NCAN: variants seen among roughly 807,000 people sequenced by gnomAD.
The protein encoded by NCAN is neurocan core protein.
NCAN carries 47 observed loss-of-function variants against 121.8 expected under a neutral mutation model. The observed-to-expected ratio is 0.39, with a 90% CI of 0.31 to 0.49. The LOEUF (loss-of-function observed/expected upper bound fraction) is 0.49, where lower values mean the gene tolerates loss of function less well. NCAN is among the 20% of genes least tolerant of loss of function. The probability of loss-of-function intolerance (pLI) is 0.92; values close to 1 mark genes in which losing one functional copy is unlikely to be tolerated. For synonymous variants in NCAN, 633 were observed against 702.0 expected, an observed-to-expected ratio of 0.90 and a Z score of 1.55; for missense variants, 1,517 against 1,773.4, an observed-to-expected ratio of 0.86 and a Z score of 2.60.
chr19:19,223,810 C>A (rs1457325548), intron 3 of NCAN, among the ~76,000 whole-genome samples: 1 of 152,134 alleles, frequency 6.6e-6, no homozygotes, highest in Non-Finnish European at 1.5e-5. Context: ...TATTTGCTAA[C>A]TTGTAACCCT....
In NCAN at chr19:19,230,883, C is replaced by CTGTGTGTGTGTGTGTG. The variant is rs367759381; in HGVS notation, c.3019+2274_3019+2289dup. On this transcript the variant is annotated intron_variant, in intron 8 of 14. Coordinates refer to ENST00000252575, the MANE Select transcript of NCAN (RefSeq NM_004386.3). Reference sequence around the variant, plus strand: ...ACAGGCATGCAACCACCACACCCGGCTGTGTGTGTGTGTGTGTGTGTGTGT... The same window carrying CTGTGTGTGTGTGTGTG: ...ACAGGCATGCAACCACCACACCCGGCTGTGTGTGTGTGTGTGTGTGTGTGTGTGTGTGTGTGTGTGT... Among the ~76,000 whole-genome samples, 329 of 121,828 alleles carry CTGTGTGTGTGTGTGTG rather than the reference C, an allele frequency of 2.7e-3. 3 individuals are homozygous for CTGTGTGTGTGTGTGTG. The highest frequency in any genetic ancestry group is 7.7e-3 in the East Asian group (31 of 4,022). The allele number at this position is 121,828 out of a possible 152,430, so 79.9% of individuals were successfully genotyped here.
At chr19:19,216,408 T>C (rs2060796139) in intron 1 of NCAN, among the ~76,000 whole-genome samples, 2 of 151,154 alleles carry the variant, frequency 1.3e-5, no homozygotes, top group Non-Finnish European at 1.5e-5. Flanking sequence ...ACCTCCCGGG[T>C]TCAAGTAATT....
At chr19:19,232,567 A>C (rs189610574) in intron 8 of NCAN, among the ~76,000 whole-genome samples, 124 of 152,326 alleles carry the variant, frequency 8.1e-4, no homozygotes, top group African/African-American at 2.8e-3. Flanking sequence ...TTAGCAAGCA[A>C]TTACTGAGTG....
At chr19:19,217,991 T>G (rs1355243399) in intron 2 of NCAN, among the ~76,000 whole-genome samples, 1 of 143,444 alleles carries the variant, frequency 7.0e-6, no homozygotes, top group African/African-American at 2.6e-5. Flanking sequence ...AAAAAAATAA[T>G]AATAAGGCTG....
At chr19:19,243,755 C>T (rs561086848) in intron 12 of NCAN, among the ~76,000 whole-genome samples, 296 of 151,652 alleles carry the variant, frequency 2.0e-3, no homozygotes, top group African/African-American at 6.7e-3. Flanking sequence ...TGGCCAGGTG[C>T]GGTGGCTCAC....
chr19:19,219,678 A>AAAAAAT (rs2060809213), intron 3 of NCAN, among the ~76,000 whole-genome samples: 1 of 149,446 alleles, frequency 6.7e-6, no homozygotes, highest in African/African-American at 2.5e-5. Context: ...GTCACAAAAA[A>AAAAAAT]AAAAAAAAAA....
intron 3 of NCAN, 73 bp from the exon 4 acceptor site, chr19:19,223,948 G>A (rs747402997): frequency 7.1e-7 from 1 of 1,413,368 alleles, no homozygotes; most frequent in Non-Finnish European, 9.4e-7. Context: ...GAGTCATTCT[G>A]CAAGAGGTAG....
intron 8 of NCAN, 105 bp downstream of exon 8, chr19:19,228,744 C>A: frequency 1.5e-6 from 2 of 1,312,602 alleles, no homozygotes; most frequent in Non-Finnish European, 2.1e-6. Flanking sequence ...CCCTGGGGAT[C>A]TGGAAGCTTT....
chr19:19,238,742 G>A (rs1234818477), intron 11 of NCAN: 1 of 393,912 alleles, frequency 2.5e-6, no homozygotes, highest in East Asian at 5.9e-5. Flanking sequence ...TCTTGGGGAG[G>A]ATATAGACAA....
At chr19:19,223,177 C>T (rs1170280547) in intron 3 of NCAN, among the ~76,000 whole-genome samples, 1 of 151,884 alleles carries the variant, frequency 6.6e-6, no homozygotes, top group East Asian at 1.9e-4. Flanking sequence ...CACATTTGGT[C>T]TCCCATTGCT....
Position 19,219,303 on chromosome 19 carries a change from C to T in NCAN, c.462C>T (p.Pro154=). 1 of 1,547,514 alleles carries T rather than the reference C, an allele frequency of 6.5e-7. No homozygotes were observed. Among genetic ancestry groups the T allele is most frequent in the Admixed American group, 1.9e-5 (1 of 53,280 alleles). The change falls in exon 3 of 15, where the codon CCC becomes CCT. Residue 154 remains proline (P), a synonymous_variant. Coordinates refer to ENST00000252575, the MANE Select transcript of NCAN (RefSeq NM_004386.3). ...RGIEDEQDLV[P]LEVTGVVFHY... is the part of the protein sequence containing the mutation. ...TCGAGGATGAGCAGGACCTGGTGCC[C>T]TTGGAGGTGACAGGTCAGTTGGGGG...
Position 19,250,222 on chromosome 19 carries a change from T to C in NCAN, c.*311T>C. 1 of 559,786 alleles carries C rather than the reference T, an allele frequency of 1.8e-6. No homozygotes were observed. Among genetic ancestry groups the C allele is most frequent in the African/African-American group, 1.9e-5 (1 of 53,884 alleles). 34.7% of individuals were successfully genotyped at this position (559,786 alleles called of 1,614,324 possible). On this transcript the variant is annotated 3_prime_UTR_variant, in exon 15 of 15. Coordinates refer to ENST00000252575, the MANE Select transcript of NCAN (RefSeq NM_004386.3). ...TCTGGTCTCTTGTTTGCCAGGCTGA[T>C]TGAAGCAGGCCTTGATGAGGGTGCA...
In NCAN at chr19:19,248,596, G is replaced by A. The variant is rs1568604540; in HGVS notation, c.3638-104G>A. 3 of 1,223,506 alleles carry A rather than the reference G, an allele frequency of 2.5e-6. No homozygotes were observed. In the South Asian group the frequency reaches 4.3e-5, roughly 18 times the overall value. 75.8% of individuals were successfully genotyped at this position (1,223,506 alleles called of 1,614,324 possible). On this transcript the variant is annotated intron_variant, in intron 13 of 14. Transcript: ENST00000252575. ...GGCAAGAGCGCGCCACTGCACTCCA[G>A]TCTGGGTGACAGAGCGAAACTCTGT...
intron 1 of NCAN, among the ~76,000 whole-genome samples, chr19:19,215,053 C>T (rs1426310772): frequency 6.6e-6 from 1 of 152,210 alleles, no homozygotes. Flanking sequence ...TCTCTGGTCC[C>T]TGAGGCATCG....
At chr19:19,232,426 G>A (rs1260283621) in intron 8 of NCAN, among the ~76,000 whole-genome samples, 6 of 152,238 alleles carry the variant, frequency 3.9e-5, no homozygotes, top group Admixed American at 6.5e-5. Context: ...AGCCTTGTGC[G>A]TGTGCACACA....
At position 19,219,055 on chromosome 19, in the gene NCAN, G is replaced by A; in HGVS notation, c.214G>A (p.Asp72Asn). The A allele has an allele frequency of 6.2e-7, 1 of 1,612,330 alleles. No individual in the cohort carries two copies. Among genetic ancestry groups the A allele is most frequent in the Non-Finnish European group, 8.5e-7 (1 of 1,179,038 alleles). ...TLQPRPSAAR[D>N]APRIKWTKVR... Reference sequence around the variant, plus strand: ...GCAGCCACGGCCAAGCGCAGCCCGAGATGCCCCTCGGATAAAGTGGACCAA... The same window carrying A: ...GCAGCCACGGCCAAGCGCAGCCCGAAATGCCCCTCGGATAAAGTGGACCAA... The change falls in exon 3 of 15, where the codon GAT becomes AAT. Residue 72 changes from aspartate (D) to asparagine (N), a missense_variant. Coordinates refer to ENST00000252575, the MANE Select transcript of NCAN (RefSeq NM_004386.3).
At chr19:19,219,627 G>A (rs1354622513) in intron 3 of NCAN, among the ~76,000 whole-genome samples, 2 of 116,202 alleles carry the variant, frequency 1.7e-5, no homozygotes, top group Non-Finnish European at 3.2e-5. Context: ...CTGGGAGGTT[G>A]AGGCTACTCC....
chr19:19,243,883 G>A (rs2060913896), intron 12 of NCAN, among the ~76,000 whole-genome samples: 1 of 151,606 alleles, frequency 6.6e-6, no homozygotes, highest in Non-Finnish European at 1.5e-5. Context: ...AAAATTAGCT[G>A]GGCATGGTGG....
At chr19:19,241,796 T>A (rs1891410479) in intron 12 of NCAN, among the ~76,000 whole-genome samples, 1 of 152,020 alleles carries the variant, frequency 6.6e-6, no homozygotes, top group African/African-American at 2.4e-5. Context: ...AAAATGTACA[T>A]TATTCGGGTC....
Sources: gnomAD v4.1 joint callset for allele counts (sites outside exome capture counted in the v4.1 genomes callset) on GRCh38, gnomAD v4.1.1 for gene constraint, MANE v1.5 for transcripts, NCBI Gene and HGNC (gene_info 2026-07-23, HGNC 2026-07-21) for gene names.